CWF19L1: variants seen among roughly 807,000 people sequenced by gnomAD.
The protein encoded by CWF19L1 is CWF19-like protein 1.
Under a neutral mutation model 69.7 loss-of-function variants are expected in CWF19L1, and 60 were observed. That is an observed-to-expected ratio of 0.86 (90% CI 0.70 to 1.07). The LOEUF (loss-of-function observed/expected upper bound fraction) is 1.07, where lower values mean the gene tolerates loss of function less well. Ranked by LOEUF, CWF19L1 falls within the 50% of genes least tolerant of loss-of-function variation. CWF19L1 has a pLI of 0.00. For missense variants in CWF19L1, 591 were observed against 638.9 expected (o/e 0.92, Z 0.81); for synonymous variants, 209 against 222.2 (o/e 0.94, Z 0.53).
intron 1 of CWF19L1, among the ~76,000 whole-genome samples, chr10:100,265,226 T>C (rs1380862669): frequency 2.0e-5 from 3 of 152,080 alleles, no homozygotes; most frequent in African/African-American, 4.8e-5. Context: ...ACAATGTGTT[T>C]TATGTCTTAG....
At chr10:100,236,797 AC>A in intron 12 of CWF19L1, 52 bp downstream of exon 12, 3 of 1,531,124 alleles carry the variant, frequency 2.0e-6, no homozygotes, top group East Asian at 2.3e-5. Flanking sequence ...ACAAACAACA[AC>A]AAAAAAAACA....
At chr10:100,259,219 G>T (rs929010207) in intron 4 of CWF19L1, among the ~76,000 whole-genome samples, 1 of 138,698 alleles carries the variant, frequency 7.2e-6, no homozygotes, top group Admixed American at 7.2e-5. Flanking sequence ...AAAAAAAAAA[G>T]AGTTGAATGA....
At chr10:100,242,691 AAT>A (rs1554903564) in intron 10 of CWF19L1, among the ~76,000 whole-genome samples, 7 of 148,190 alleles carry the variant, frequency 4.7e-5, no homozygotes, top group East Asian at 2.0e-4. Context: ...AAAAAAAAAA[AAT>A]TTCATAAGGC....
At chr10:100,261,909 G>A (rs1275172166) in intron 2 of CWF19L1, 70 bp downstream of exon 2, 9 of 1,326,420 alleles carry the variant, frequency 6.8e-6, no homozygotes, top group Non-Finnish European at 9.4e-6. Flanking sequence ...AAGACTTAAA[G>A]GAGTGCAAAC....
At chr10:100,257,462 G>C (rs1401356131) in intron 4 of CWF19L1, among the ~76,000 whole-genome samples, 1 of 151,842 alleles carries the variant, frequency 6.6e-6, no homozygotes, top group Non-Finnish European at 1.5e-5. Flanking sequence ...ACCATGCCCA[G>C]TTAATTTTTC....
intron 9 of CWF19L1, 51 bp downstream of exon 9, chr10:100,245,748 A>G: frequency 1.4e-6 from 2 of 1,449,580 alleles, no homozygotes; most frequent in Non-Finnish European, 1.9e-6. Flanking sequence ...AAGAAAAGCC[A>G]AAATAACAGT....
chr10:100,250,773 C>G (rs1169386117), intron 6 of CWF19L1, among the ~76,000 whole-genome samples: 1 of 151,942 alleles, frequency 6.6e-6, no homozygotes, highest in Non-Finnish European at 1.5e-5. Context: ...CAGTGAGACT[C>G]TGTCTCTACA....
intron 1 of CWF19L1, among the ~76,000 whole-genome samples, chr10:100,267,147 C>CCCCA (rs1847624171): frequency 3.2e-5 from 1 of 30,770 alleles, no homozygotes; most frequent in Non-Finnish European, 5.8e-5. Context: ...CTCCTCCTCG[C>CCCCA]AAAAAAAAAA....
Position 100,261,024 on chromosome 10 carries a change from A to C in CWF19L1, c.129T>G (p.Asn43Lys). 1 of 1,612,794 alleles carries C rather than the reference A, an allele frequency of 6.2e-7. No homozygotes were observed. The highest frequency in any genetic ancestry group is 8.5e-7 in the Non-Finnish European group (1 of 1,179,080). The stretch of plus-strand genomic sequence containing the variant: ...CAGCATCTTGGGTGGAGCCAAAGAA[A>C]TTTCCTACACACAACAGCAGCTAAA... ...GNFDLLLCVGNFFGSTQDAEW... is the reference protein window; with the variant it reads ...GNFDLLLCVGKFFGSTQDAEW... Residue 43 changes from asparagine to lysine, a missense_variant, in exon 3 of 14, where the codon AAT (asparagine) becomes AAG (lysine). Physicochemically the swap from Asn to Lys is moderately conservative, Grantham distance 94. Transcript: ENST00000354105.
chr10:100,251,407 T>A (rs375859092), intron 6 of CWF19L1, among the ~76,000 whole-genome samples: 32 of 152,312 alleles, frequency 2.1e-4, no homozygotes, highest in African/African-American at 7.5e-4. Flanking sequence ...TTTTGACTAC[T>A]GCCATCCTAG....
intron 1 of CWF19L1, among the ~76,000 whole-genome samples, chr10:100,265,525 CTTTTTT>C (rs35773155): frequency 8.3e-6 from 1 of 121,022 alleles, no homozygotes; most frequent in South Asian, 2.5e-4. Context: ...TTTTCTTTTT[CTTTTTT>C]TTTTTTTTTG....
chr10:100,262,298 T>C, intron 1 of CWF19L1: 1 of 985,458 alleles, frequency 1.0e-6, no homozygotes, highest in Non-Finnish European at 1.2e-6. Context: ...AGCCAGCTTC[T>C]TCTCCTCATT....
intron 4 of CWF19L1, among the ~76,000 whole-genome samples, chr10:100,259,791 A>G (rs1157517923): frequency 1.3e-5 from 2 of 152,190 alleles, no homozygotes; most frequent in Admixed American, 6.5e-5. Context: ...CCATTATCTC[A>G]GGCTGCAATC....
At chr10:100,248,808 A>G in intron 7 of CWF19L1, 1 of 1,413,948 alleles carries the variant, frequency 7.1e-7, no homozygotes. Flanking sequence ...AAGCAGTGGA[A>G]GCCAAACAGG....
At chr10:100,237,108 C>A in intron 11 of CWF19L1, 139 bp from the exon 12 acceptor site, 2 of 1,003,390 alleles carry the variant, frequency 2.0e-6, no homozygotes, top group South Asian at 1.4e-5. Flanking sequence ...GCCAGACAAG[C>A]CTGTGTCAGC....
chr10:100,245,433 A>C (rs547018579), intron 9 of CWF19L1, among the ~76,000 whole-genome samples: 1 of 152,208 alleles, frequency 6.6e-6, no homozygotes, highest in Non-Finnish European at 1.5e-5. Context: ...CATCACTCTC[A>C]AGTAGATGGG....
At chr10:100,242,231 T>C (rs1846660113) in intron 10 of CWF19L1, among the ~76,000 whole-genome samples, 1 of 152,206 alleles carries the variant, frequency 6.6e-6, no homozygotes, top group Non-Finnish European at 1.5e-5. Flanking sequence ...CATCATCATC[T>C]TGGGTTCCTA....
chr10:100,263,078 T>C (rs1358559595), intron 1 of CWF19L1, among the ~76,000 whole-genome samples: 1 of 152,150 alleles, frequency 6.6e-6, no homozygotes, highest in African/African-American at 2.4e-5. Context: ...AAAAATACAA[T>C]GCATCTAGTG....
intron 1 of CWF19L1, among the ~76,000 whole-genome samples, chr10:100,266,529 T>C (rs1391176239): frequency 6.6e-6 from 1 of 151,388 alleles, no homozygotes; most frequent in East Asian, 1.9e-4. Context: ...AATTCCTTTT[T>C]TTTTAGACGG....
Sources: gnomAD v4.1 joint callset for allele counts (sites outside exome capture counted in the v4.1 genomes callset) on GRCh38, gnomAD v4.1.1 for gene constraint, MANE v1.5 for transcripts, NCBI Gene and HGNC (gene_info 2026-07-23, HGNC 2026-07-21) for gene names.